CCDC88C: variants seen among roughly 807,000 people sequenced by gnomAD.
The protein encoded by CCDC88C is protein Daple.
In CCDC88C, 131 loss-of-function variants were observed where a neutral mutation model predicts 198.8. The observed-to-expected ratio is 0.66, with a 90% CI of 0.57 to 0.76. The LOEUF is 0.76. CCDC88C is among the 30% of genes least tolerant of loss of function. CCDC88C has a pLI of 0.00. For synonymous variants in CCDC88C, 1,166 were observed against 1,114.7 expected (o/e 1.05, Z -0.92); for missense variants, 2,553 against 2,631.6 (o/e 0.97, Z 0.65).
chr14:91,338,415 A>G lies in CCDC88C; in HGVS notation c.891+74T>C, dbSNP rs146570921. On this transcript the variant is annotated intron_variant, in intron 9 of 29. Transcript: ENST00000389857. This position sits in a 1 kb window ranked among gnomAD's most constrained non-coding sequence, Gnocchi z 4.8. ...TAAAAGCGCTGCTGTTGAGCTCCTG[A>G]CCCTCCAGGCCCCGTTACTGGACAC... is the stretch of plus-strand genomic sequence containing the variant. 1,481 of 1,319,664 alleles carry G rather than the reference A, an allele frequency of 1.1e-3. 4 individuals carry two copies. The highest frequency in any genetic ancestry group is 5.6e-3 in the Middle Eastern group (26 of 4,656). The allele number at this position is 1,319,664 out of a possible 1,614,324, so 81.7% of individuals were successfully genotyped here.
intron 2 of CCDC88C, among the ~76,000 whole-genome samples, chr14:91,409,399 C>T (rs186245531): frequency 3.2e-4 from 48 of 151,858 alleles, no homozygotes; most frequent in African/African-American, 9.9e-4. Context: ...AGGCTGGTCT[C>T]GAACTCCTCA....
intron 3 of CCDC88C, among the ~76,000 whole-genome samples, chr14:91,394,925 G>A (rs1457770812): frequency 6.6e-6 from 1 of 152,252 alleles, no homozygotes; most frequent in Middle Eastern, 3.4e-3. Flanking sequence ...CGGGCCTTGG[G>A]TGGGGGGCCT....
At chr14:91,393,698 T>C (rs985504851) in intron 3 of CCDC88C, among the ~76,000 whole-genome samples, 1 of 152,086 alleles carries the variant, frequency 6.6e-6, no homozygotes, top group African/African-American at 2.4e-5. Context: ...TACTAAAAAA[T>C]ACCAAATTAG....
At position 91,288,148 on chromosome 14, in the gene CCDC88C, G is replaced by A. The variant is rs1466078862; in HGVS notation, c.4441+957C>T. On this transcript the variant is annotated intron_variant, in intron 25 of 29. Coordinates refer to ENST00000389857, the MANE Select transcript of CCDC88C (RefSeq NM_001080414.4). The surrounding 1 kb of genome is among the most constrained non-coding windows in gnomAD (Gnocchi z 4.2). Reference sequence around the variant, plus strand: ...TTCAACAAGAGCGTAAGAAAAATTCGAAGTGGTGGCCCTGTACCGTTTGAT... The same window carrying A: ...TTCAACAAGAGCGTAAGAAAAATTCAAAGTGGTGGCCCTGTACCGTTTGAT... Among the ~76,000 whole-genome samples, 4 of 152,202 alleles carry A rather than the reference G, an allele frequency of 2.6e-5. No homozygotes were observed. Among genetic ancestry groups the A allele is most frequent in the African/African-American group, 7.2e-5 (3 of 41,460 alleles).
At chr14:91,392,576 A>G (rs1885569010) in intron 3 of CCDC88C, among the ~76,000 whole-genome samples, 1 of 152,208 alleles carries the variant, frequency 6.6e-6, no homozygotes, top group South Asian at 2.1e-4. Context: ...TTAAACCCAG[A>G]GCCGATAATA....
intron 25 of CCDC88C, 163 bp from the exon 26 acceptor site, chr14:91,283,680 G>T: frequency 1.5e-6 from 1 of 654,212 alleles, no homozygotes; most frequent in Non-Finnish European, 2.6e-6. Flanking sequence ...GGCCTGGCGG[G>T]GCAGGTGGGG....
At chr14:91,386,304 A>G (rs1885138002) in intron 3 of CCDC88C, among the ~76,000 whole-genome samples, 1 of 149,292 alleles carries the variant, frequency 6.7e-6, no homozygotes, top group South Asian at 2.1e-4. Context: ...AAAAAAAAAA[A>G]CAAAAACCTA....
At chr14:91,308,716 TAC>T (rs1475131626) in intron 16 of CCDC88C, among the ~76,000 whole-genome samples, 2 of 152,174 alleles carry the variant, frequency 1.3e-5, no homozygotes, top group Admixed American at 1.3e-4. Flanking sequence ...ACACCACGGC[TAC>T]AGTTTTACAG....
rs1377843579 is a variant in CCDC88C, at chr14:91,293,500, C to G, written c.4112+673G>C. Reference sequence around the variant, plus strand: ...CCACAGCTCACCTTCCCATCCTCACCTGCCACGGCCTACCTTCCTGTCCCC... The same window carrying G: ...CCACAGCTCACCTTCCCATCCTCACGTGCCACGGCCTACCTTCCTGTCCCC... On this transcript the variant is annotated intron_variant, in intron 23 of 29. Transcript: ENST00000389857. Among the ~76,000 whole-genome samples, 19 of 120,796 alleles carry G rather than the reference C, an allele frequency of 1.6e-4. 1 individual carries two copies. Among genetic ancestry groups the G allele is most frequent in the East Asian group, 5.5e-4 (2 of 3,636 alleles). 79.2% of individuals were successfully genotyped at this position (120,796 alleles called of 152,430 possible).
chr14:91,272,702 C>G lies in CCDC88C; in HGVS notation c.6010G>C (p.Val2004Leu), dbSNP rs370102360. Residue 2004 changes from valine to leucine, a missense_variant, in exon 30 of 30, where the codon GTC becomes CTC. Physicochemically the swap from Val to Leu is conservative, Grantham distance 32 (BLOSUM62 1). This residue lies in a region of CCDC88C where 1,293 missense variants were observed against 1,219.6 expected (regional missense o/e 1.06). Transcript: ENST00000389857. ...RALEDCSRGS[V>L]SKSSPASPEP... ...GGGGAGGCCGGACTGCTCTTTGAGA[C>G]GCTCCCTCGACTGCAGTCCTCCAGG... 177 of 1,611,380 alleles carry G rather than the reference C, an allele frequency of 1.1e-4. 2 individuals are homozygous for G. In the South Asian group the frequency reaches 1.2e-3, roughly 11 times the overall value.
intron 27 of CCDC88C, 162 bp from the exon 28 acceptor site, chr14:91,279,468 G>A: frequency 3.4e-6 from 2 of 589,296 alleles, no homozygotes; most frequent in Non-Finnish European, 6.0e-6. Context: ...CTCCAGTGAG[G>A]AAGCCTCACT....
chr14:91,273,337 T>C lies in CCDC88C; in HGVS notation c.5375A>G (p.His1792Arg), dbSNP rs780862698. ...GGAGGCACTGCGGCTGGCAGGTGCA[T>C]GGGAAGCTGGGGGCACCGGAGCCTG... ...PRQAPVPPAS[H>R]APASRSASLS... The change falls in exon 30 of 30, where the codon CAT (histidine) becomes CGT (arginine). Residue 1792 changes from histidine (H) to arginine (R), a missense_variant. By Grantham distance (29) the His-to-Arg change is conservative (BLOSUM62 0). This residue lies in a region of CCDC88C where 1,293 missense variants were observed against 1,219.6 expected (regional missense o/e 1.06). Coordinates refer to ENST00000389857, the MANE Select transcript of CCDC88C (RefSeq NM_001080414.4). The surrounding 1 kb of genome is among the most constrained non-coding windows in gnomAD (Gnocchi z 5.6). 1.9e-6 allele frequency: 3 copies of C among 1,547,062 alleles called. No individual in the cohort carries two copies. The highest frequency in any genetic ancestry group is 1.4e-5 in the African/African-American group (1 of 73,322).
chr14:91,388,952 T>C (rs1244367074), intron 3 of CCDC88C, among the ~76,000 whole-genome samples: 2 of 152,138 alleles, frequency 1.3e-5, no homozygotes, highest in African/African-American at 4.8e-5. Flanking sequence ...GTCTCTGTCT[T>C]CTTCAGACCC....
intron 13 of CCDC88C, among the ~76,000 whole-genome samples, chr14:91,318,431 T>C (rs1596065442): frequency 1.3e-5 from 2 of 152,180 alleles, no homozygotes. Flanking sequence ...ACCGAGTCAC[T>C]TTCCCCATGC....
intron 20 of CCDC88C, among the ~76,000 whole-genome samples, chr14:91,301,845 C>T (rs187833191): frequency 2.2e-3 from 328 of 152,322 alleles, no homozygotes; most frequent in Non-Finnish European, 2.4e-3. Flanking sequence ...TACACGAATG[C>T]TTCATTAGTT....
rs371721945 is a variant in CCDC88C at position 91,310,380 on chromosome 14, G to C, written c.2737-394C>G. 2.6e-4 allele frequency among the ~76,000 whole-genome samples: 38 copies of C among 146,180 alleles called. 2 individuals are homozygous for C. The highest frequency in any genetic ancestry group is 1.0e-3 in the African/African-American group (37 of 35,802). ...CTTTGAAACAGAAAATGTGTAAAGA[G>C]GGGAAATATTTTATTTTAAACCCTG... is the stretch of plus-strand genomic sequence containing the variant. On this transcript the variant is annotated intron_variant, in intron 15 of 29. Transcript: ENST00000389857.
chr14:91,388,761 A>G (rs1251306320), intron 3 of CCDC88C, among the ~76,000 whole-genome samples: 7 of 152,194 alleles, frequency 4.6e-5, no homozygotes, highest in Non-Finnish European at 1.0e-4. Context: ...TGACTCAAGC[A>G]CACTTGCAGC....
chr14:91,320,453 T>C (rs1421387173), intron 13 of CCDC88C, among the ~76,000 whole-genome samples: 1 of 152,202 alleles, frequency 6.6e-6, no homozygotes, highest in African/African-American at 2.4e-5. Context: ...CACCGCCCTG[T>C]GCATCTGTTC....
At chr14:91,280,656 G>A (rs1268833934) in intron 27 of CCDC88C, among the ~76,000 whole-genome samples, 1 of 152,190 alleles carries the variant, frequency 6.6e-6, no homozygotes, top group Admixed American at 6.5e-5. Context: ...ATGGTTAGCT[G>A]ACTGATCGCA....
Sources: gnomAD v4.1 joint callset for allele counts (sites outside exome capture counted in the v4.1 genomes callset) on GRCh38, gnomAD v4.1.1 for gene constraint, gnomAD v4.1.1 regional missense constraint, Gnocchi (gnomAD v3.1) non-coding constraint, MANE v1.5 for transcripts, NCBI Gene and HGNC (gene_info 2026-07-23, HGNC 2026-07-21) for gene names.